Variants in RSRC1 observed in about 807,000 individuals in gnomAD.
The protein encoded by RSRC1 is serine/Arginine-related protein 53.
In RSRC1, 39 loss-of-function variants were observed where a neutral mutation model predicts 49.1. The observed-to-expected ratio is 0.79, with a 90% CI of 0.61 to 1.04. The LOEUF (loss-of-function observed/expected upper bound fraction) is 1.04, where lower values mean the gene tolerates loss of function less well. Ranked by LOEUF, RSRC1 falls within the 50% of genes least tolerant of loss-of-function variation. The pLI, the probability that RSRC1 is intolerant of heterozygous loss-of-function variation, is 0.00. For synonymous variants in RSRC1, 143 were observed against 130.8 expected (o/e 1.09, Z -0.63); for missense variants, 388 against 402.4 (o/e 0.96, Z 0.31).
At chr3:158,426,476 G>A (rs892024573) in intron 6 of RSRC1, among the ~76,000 whole-genome samples, 3 of 151,482 alleles carry the variant, frequency 2.0e-5, no homozygotes, top group Non-Finnish European at 4.4e-5. Flanking sequence ...TTTGGGAACC[G>A]CATGTATTTT....
chr3:158,113,225 T>C (rs1165085646), intron 1 of RSRC1, among the ~76,000 whole-genome samples: 1 of 152,180 alleles, frequency 6.6e-6, no homozygotes, highest in Non-Finnish European at 1.5e-5. Flanking sequence ...ACCACACTGC[T>C]GATTCCTCAA....
intron 4 of RSRC1, among the ~76,000 whole-genome samples, chr3:158,263,322 A>G (rs1024827756): frequency 1.3e-5 from 2 of 152,142 alleles, no homozygotes; most frequent in African/African-American, 4.8e-5. Context: ...ATGGGGAACT[A>G]CATTGATTGA....
intron 6 of RSRC1, among the ~76,000 whole-genome samples, chr3:158,403,932 A>C (rs1734019049): frequency 6.6e-6 from 1 of 151,852 alleles, no homozygotes; most frequent in Non-Finnish European, 1.5e-5. Flanking sequence ...AGCTTCTCAA[A>C]ATTCCACTTA....
At chr3:158,229,669 A>G (rs1271956943) in intron 4 of RSRC1, among the ~76,000 whole-genome samples, 2 of 151,866 alleles carry the variant, frequency 1.3e-5, no homozygotes, top group African/African-American at 4.8e-5. Context: ...ACAATTTCAC[A>G]TTAACAAAGA....
chr3:158,134,213 G>A (rs561488163), intron 3 of RSRC1, among the ~76,000 whole-genome samples: 2 of 152,206 alleles, frequency 1.3e-5, no homozygotes, highest in Non-Finnish European at 2.9e-5. Context: ...TGTGTGAGAA[G>A]AATATTTTAA....
At chr3:158,482,628 A>T (rs558708148) in intron 7 of RSRC1, among the ~76,000 whole-genome samples, 1 of 152,168 alleles carries the variant, frequency 6.6e-6, no homozygotes, top group Admixed American at 6.6e-5. Flanking sequence ...GATAAAATAG[A>T]TGGAACCTCC....
At chr3:158,141,770 A>G (rs1716762590) in intron 3 of RSRC1, among the ~76,000 whole-genome samples, 1 of 152,112 alleles carries the variant, frequency 6.6e-6, no homozygotes, top group African/African-American at 2.4e-5. Flanking sequence ...TTGTTTTGCA[A>G]TCTCATTAAA....
intron 3 of RSRC1, among the ~76,000 whole-genome samples, chr3:158,191,733 T>G (rs1227231446): frequency 6.6e-6 from 1 of 151,996 alleles, no homozygotes; most frequent in Non-Finnish European, 1.5e-5. Flanking sequence ...AATATACTTA[T>G]TTAAGGAATG....
At chr3:158,327,906 G>C (rs1000924124) in intron 5 of RSRC1, among the ~76,000 whole-genome samples, 228 of 151,732 alleles carry the variant, frequency 1.5e-3, no homozygotes, top group African/African-American at 5.2e-3. Context: ...CTTTATGAAT[G>C]TGGGTGCTCC....
chr3:158,163,170 TTTTTA>T (rs1342235713), intron 3 of RSRC1, among the ~76,000 whole-genome samples: 3 of 152,072 alleles, frequency 2.0e-5, no homozygotes, highest in Admixed American at 2.0e-4. Flanking sequence ...AGCTGGCTAA[TTTTTA>T]TATTTTTAGT....
intron 3 of RSRC1, among the ~76,000 whole-genome samples, chr3:158,146,727 T>C (rs1717150224): frequency 6.6e-6 from 1 of 152,232 alleles, no homozygotes; most frequent in Non-Finnish European, 1.5e-5. Context: ...CTTGTACCTC[T>C]GGTAGAATTC....
At chr3:158,151,511 C>T (rs901468378) in intron 3 of RSRC1, among the ~76,000 whole-genome samples, 6 of 152,120 alleles carry the variant, frequency 3.9e-5, no homozygotes, top group Admixed American at 3.3e-4. Context: ...AGAGGGAGAA[C>T]AGAGGCTGCC....
intron 3 of RSRC1, among the ~76,000 whole-genome samples, chr3:158,184,928 ATATTTT>A (rs1719839937): frequency 6.6e-6 from 1 of 151,982 alleles, no homozygotes; most frequent in Non-Finnish European, 1.5e-5. Flanking sequence ...AGAGTGGTCT[ATATTTT>A]TGTTTTATTT....
rs1721178143 is a variant in RSRC1 at position 158,203,301 on chromosome 3, A to C, written c.494+56A>C. 3 of 1,500,276 alleles carry C rather than the reference A, an allele frequency of 2.0e-6. No individual in the cohort carries two copies. In the Admixed American group the frequency reaches 6.4e-5, roughly 32 times the overall value. The allele number at this position is 1,500,276 out of a possible 1,614,324, so 92.9% of individuals were successfully genotyped here. A position where few individuals can be genotyped will look rare whatever the true frequency, so the allele number is the denominator to read the frequency against. On this transcript the variant is annotated intron_variant, in intron 4 of 9. Coordinates refer to ENST00000611884, the MANE Select transcript of RSRC1 (RefSeq NM_001271838.2). ...ACTTGGTGATTCCATGGCGATGTTC[A>C]AACTAAATTTTTGTTCTCTGAGGTT...
rs1483553763 is a variant in RSRC1, at chr3:158,425,037, G to C, written c.584-35898G>C. 1.3e-5 allele frequency among the ~76,000 whole-genome samples: 2 copies of C among 151,414 alleles called. 1 individual carries two copies. The highest frequency in any genetic ancestry group is 4.8e-5 in the African/African-American group (2 of 41,314). On this transcript the variant is annotated intron_variant, in intron 6 of 9. Coordinates refer to ENST00000611884, the MANE Select transcript of RSRC1 (RefSeq NM_001271838.2). ...GATCCTTTCAAAAAACCAGCTCCTG[G>C]ATTCGTTAATTTTTTGAAGGGTTTT...
At chr3:158,302,325 G>T (rs1727599272) in intron 5 of RSRC1, among the ~76,000 whole-genome samples, 1 of 152,082 alleles carries the variant, frequency 6.6e-6, no homozygotes, top group Non-Finnish European at 1.5e-5. Flanking sequence ...GTGGATTTGT[G>T]TTATAGCTCA....
chr3:158,142,587 CGTG>C (rs1158980143), intron 3 of RSRC1, among the ~76,000 whole-genome samples: 1 of 152,056 alleles, frequency 6.6e-6, no homozygotes, highest in Non-Finnish European at 1.5e-5. Context: ...AGTTTATAAA[CGTG>C]GTGAAAGGTG....
intron 5 of RSRC1, among the ~76,000 whole-genome samples, chr3:158,321,147 TCTC>T (rs1336533894): frequency 3.3e-5 from 5 of 152,018 alleles, no homozygotes; most frequent in Admixed American, 1.3e-4. Flanking sequence ...CTTCATCACT[TCTC>T]CTTCTTCTGT....
rs1283989660 is a variant in RSRC1 at position 158,518,116 on chromosome 3, G to GCATATA, written c.653-18976_653-18975insCATATA. Among the ~76,000 whole-genome samples the GCATATA allele has an allele frequency of 9.1e-4, 73 of 80,332 alleles. 7 individuals carry two copies. Among genetic ancestry groups the GCATATA allele is most frequent in the African/African-American group, 4.5e-3 (65 of 14,514 alleles). The allele number at this position is 80,332 out of a possible 152,430, so 52.7% of individuals were successfully genotyped here. A position where few individuals can be genotyped will look rare whatever the true frequency, so the allele number is the denominator to read the frequency against. On this transcript the variant is annotated intron_variant, in intron 7 of 9. Transcript: ENST00000611884. ...CGTGCGTGTGTGTGTGTGTGTGTGT[G>GCATATA]TGTGTGTGTGTATATATATATATAT...
Sources: allele counts gnomAD v4.1 joint callset (sites outside exome capture counted in the v4.1 genomes callset), GRCh38; gene constraint gnomAD v4.1.1; transcripts MANE v1.5; gene names NCBI Gene and HGNC (gene_info 2026-07-23, HGNC 2026-07-21).